The following DNER variants were observed in gnomAD, a reference collection of about 807,000 sequenced individuals.
The protein encoded by DNER is delta/notch like EGF repeat containing.
A neutral mutation model predicts 78.2 loss-of-function variants in DNER; 33 were observed. The ratio of observed to expected loss-of-function variants is 0.42; its 90% CI spans 0.32 to 0.56. The LOEUF (loss-of-function observed/expected upper bound fraction) is 0.56. Among genes scored for constraint, DNER ranks in the 20% least tolerant of loss-of-function variants. The pLI is 0.11. For synonymous variants in DNER, 417 were observed against 384.8 expected (o/e 1.08, Z -0.98); for missense variants, 918 against 975.3 (o/e 0.94, Z 0.78).
intron 7 of DNER, among the ~76,000 whole-genome samples, chr2:229,468,373 T>C (rs1694849591): frequency 6.6e-6 from 1 of 152,206 alleles, no homozygotes; most frequent in African/African-American, 2.4e-5. Context: ...CTCCCCAAGT[T>C]GTTCTTGGGG....
intron 1 of DNER, among the ~76,000 whole-genome samples, chr2:229,713,043 A>G (rs1190190824): frequency 6.6e-6 from 1 of 152,254 alleles, no homozygotes; most frequent in African/African-American, 2.4e-5. Flanking sequence ...GCATTCTCAA[A>G]GTAACTCTCC....
chr2:229,499,931 C>CTTTTTTT (rs58019962), intron 6 of DNER, among the ~76,000 whole-genome samples: 46 of 134,836 alleles, frequency 3.4e-4, no homozygotes, highest in African/African-American at 1.0e-3. Context: ...GACTTTCTTT[C>CTTTTTTT]TTTTTTTTTT....
intron 1 of DNER, among the ~76,000 whole-genome samples, chr2:229,592,752 C>T (rs2154214673): frequency 6.6e-6 from 1 of 152,314 alleles, no homozygotes; most frequent in South Asian, 2.1e-4. Flanking sequence ...GTCATGTTCT[C>T]AGCACCTGTT....
At chr2:229,605,921 C>T (rs1697926337) in intron 1 of DNER, among the ~76,000 whole-genome samples, 1 of 152,120 alleles carries the variant, frequency 6.6e-6, no homozygotes, top group African/African-American at 2.4e-5. Flanking sequence ...ACGTGACTTA[C>T]CTTGCATATG....
intron 1 of DNER, among the ~76,000 whole-genome samples, chr2:229,691,818 C>T (rs1465110740): frequency 6.6e-6 from 1 of 152,084 alleles, no homozygotes; most frequent in South Asian, 2.1e-4. Context: ...GACCAATCAG[C>T]AGAATCTAAC....
At chr2:229,693,832 T>C (rs1699620249) in intron 1 of DNER, among the ~76,000 whole-genome samples, 1 of 152,246 alleles carries the variant, frequency 6.6e-6, no homozygotes, top group Non-Finnish European at 1.5e-5. Flanking sequence ...AAACCCATTT[T>C]CTAGGGAGAC....
intron 4 of DNER, among the ~76,000 whole-genome samples, chr2:229,583,208 A>T (rs891260719): frequency 1.3e-5 from 2 of 152,314 alleles, no homozygotes; most frequent in South Asian, 2.1e-4. Flanking sequence ...GATGCTCCTC[A>T]ACTTGCAGTG....
intron 1 of DNER, among the ~76,000 whole-genome samples, chr2:229,696,258 G>A (rs1354469976): frequency 2.6e-5 from 4 of 152,142 alleles, no homozygotes; most frequent in Non-Finnish European, 5.9e-5. Flanking sequence ...ACCCACATGA[G>A]CTAGTTTCTT....
At chr2:229,701,113 G>A (rs1313063096) in intron 1 of DNER, among the ~76,000 whole-genome samples, 1 of 152,218 alleles carries the variant, frequency 6.6e-6, no homozygotes, top group Non-Finnish European at 1.5e-5. Context: ...ATATTGGCAG[G>A]AGAGGCCGAA....
intron 10 of DNER, among the ~76,000 whole-genome samples, chr2:229,397,325 C>T (rs1015525958): frequency 6.6e-5 from 10 of 151,922 alleles, no homozygotes; most frequent in African/African-American, 2.4e-4. Context: ...GAGAAGGCAG[C>T]AACCCGGAAA....
chr2:229,507,438 T>C (rs991430054), intron 6 of DNER, among the ~76,000 whole-genome samples: 2 of 152,172 alleles, frequency 1.3e-5, no homozygotes, highest in African/African-American at 4.8e-5. Context: ...AGACATTAAG[T>C]CACCTTAGAT....
At chr2:229,409,694 A>G (rs1200857014) in intron 9 of DNER, among the ~76,000 whole-genome samples, 1 of 152,122 alleles carries the variant, frequency 6.6e-6, no homozygotes, top group Non-Finnish European at 1.5e-5. Context: ...TCTTTTTCAA[A>G]TGGTGAGACA....
At chr2:229,552,345 A>G (rs1391993816) in intron 4 of DNER, among the ~76,000 whole-genome samples, 3 of 152,220 alleles carry the variant, frequency 2.0e-5, no homozygotes, top group African/African-American at 7.2e-5. Flanking sequence ...GCCCAATAAT[A>G]TTAAATCTGT....
intron 1 of DNER, among the ~76,000 whole-genome samples, chr2:229,686,058 G>A (rs1270452890): frequency 6.6e-6 from 1 of 152,148 alleles, no homozygotes; most frequent in Non-Finnish European, 1.5e-5. Flanking sequence ...GTGCCCCTCT[G>A]AGAATGGGAT....
intron 7 of DNER, among the ~76,000 whole-genome samples, chr2:229,464,480 C>T (rs946362281): frequency 9.9e-5 from 15 of 151,912 alleles, no homozygotes; most frequent in Non-Finnish European, 1.8e-4. Context: ...CATAGAAGGG[C>T]ATAAGAGATA....
At chr2:229,616,947 G>A (rs903327964) in intron 1 of DNER, among the ~76,000 whole-genome samples, 11 of 152,190 alleles carry the variant, frequency 7.2e-5, no homozygotes, top group African/African-American at 1.4e-4. Context: ...CTGTGACAAC[G>A]TGCCCTGGAA....
At chr2:229,549,362 G>A (rs935717469) in intron 4 of DNER, among the ~76,000 whole-genome samples, 27 of 152,176 alleles carry the variant, frequency 1.8e-4, no homozygotes, top group African/African-American at 6.0e-4. Context: ...CTGGAGTGCA[G>A]TGGTTCAATC....
chr2:229,528,816 T>C (rs2154212762), intron 5 of DNER, among the ~76,000 whole-genome samples: 1 of 152,342 alleles, frequency 6.6e-6, no homozygotes, highest in Admixed American at 6.5e-5. Context: ...CTAAAAATTA[T>C]CTAAATTCCA....
At chr2:229,618,779 T>C (rs1049167049) in intron 1 of DNER, among the ~76,000 whole-genome samples, 3 of 152,322 alleles carry the variant, frequency 2.0e-5, no homozygotes, top group East Asian at 3.9e-4. Flanking sequence ...TAAAATGATA[T>C]TCCTCTTTTT....
Sources: gnomAD v4.1 joint callset for allele counts (sites outside exome capture counted in the v4.1 genomes callset) on GRCh38, gnomAD v4.1.1 for gene constraint, MANE v1.5 for transcripts, NCBI Gene and HGNC (gene_info 2026-07-23, HGNC 2026-07-21) for gene names.